Variants in NRG3 observed in about 807,000 individuals in gnomAD.
NRG3 encodes the protein neuregulin 3.
Under a neutral mutation model 66.9 loss-of-function variants are expected in NRG3, and 31 were observed. That is an observed-to-expected ratio of 0.46 (90% CI 0.35 to 0.63). NRG3 has a LOEUF of 0.63. NRG3 is among the 20% of genes least tolerant of loss of function. The pLI is 0.00. For synonymous variants in NRG3, 393 were observed against 359.4 expected, an observed-to-expected ratio of 1.09 and a Z score of -1.06; for missense variants, 910 against 878.9, an observed-to-expected ratio of 1.04 and a Z score of -0.45.
At chr10:82,152,507 A>G (rs1340407716) in intron 1 of NRG3, among the ~76,000 whole-genome samples, 1 of 151,886 alleles carries the variant, frequency 6.6e-6, no homozygotes, top group Non-Finnish European at 1.5e-5. Context: ...GTTCTGAACT[A>G]TTTCTTTTTT....
At chr10:82,849,170 C>A (rs1427451121) in intron 3 of NRG3, among the ~76,000 whole-genome samples, 2 of 152,142 alleles carry the variant, frequency 1.3e-5, no homozygotes, top group Admixed American at 1.3e-4. Flanking sequence ...CAGACATGCA[C>A]ATAGGGAGAA....
chr10:82,505,974 C>T (rs1046952035), intron 2 of NRG3, among the ~76,000 whole-genome samples: 3 of 152,184 alleles, frequency 2.0e-5, no homozygotes, highest in African/African-American at 4.8e-5. Context: ...AAGGGCCAGG[C>T]GCGTGGCTCA....
chr10:82,552,624 A>T (rs2044388537), intron 2 of NRG3, among the ~76,000 whole-genome samples: 1 of 152,180 alleles, frequency 6.6e-6, no homozygotes, highest in African/African-American at 2.4e-5. Flanking sequence ...GCTAGATGAG[A>T]TAAAACTGCA....
At chr10:82,608,801 T>A (rs1358691716) in intron 2 of NRG3, among the ~76,000 whole-genome samples, 1 of 152,128 alleles carries the variant, frequency 6.6e-6, no homozygotes, top group Non-Finnish European at 1.5e-5. Flanking sequence ...AAGCTCTGTG[T>A]ATTTCAAATG....
chr10:82,742,227 A>C (rs528077978), intron 3 of NRG3, among the ~76,000 whole-genome samples: 1 of 152,248 alleles, frequency 6.6e-6, no homozygotes, highest in Admixed American at 6.5e-5. Context: ...AGTTAGTCAG[A>C]AATGTGTATC....
At chr10:82,970,995 T>G (rs1644638424) in intron 6 of NRG3, among the ~76,000 whole-genome samples, 1 of 152,154 alleles carries the variant, frequency 6.6e-6, no homozygotes, top group Non-Finnish European at 1.5e-5. Flanking sequence ...AACATCTGCT[T>G]CTGGTGAGCA....
intron 2 of NRG3, among the ~76,000 whole-genome samples, chr10:82,516,144 G>T (rs924772640): frequency 2.0e-5 from 3 of 152,008 alleles, no homozygotes; most frequent in African/African-American, 7.2e-5. Context: ...GGAACATTGT[G>T]TGTGTGTGTG....
chr10:82,598,627 C>G (rs1474813394), intron 2 of NRG3, among the ~76,000 whole-genome samples: 1 of 152,162 alleles, frequency 6.6e-6, no homozygotes, highest in African/African-American at 2.4e-5. Context: ...GAGTGATTGT[C>G]TATATCAAAT....
intron 1 of NRG3, among the ~76,000 whole-genome samples, chr10:82,124,686 A>G (rs1268554131): frequency 6.6e-6 from 1 of 151,716 alleles, no homozygotes; most frequent in African/African-American, 2.4e-5. Context: ...TACCTAAGTA[A>G]CAAACCTGCA....
rs373729157 is a variant in NRG3 at position 82,606,674 on chromosome 10, C to A, written c.954-131903C>A. 3.9e-5 allele frequency among the ~76,000 whole-genome samples: 6 copies of A among 152,058 alleles called. No individual in the cohort carries two copies. The East Asian group carries it at 9.6e-4, about 24-fold the overall frequency. ...GACAGGGTGTGCTGGTACACTTTGA[C>A]CCACTTCCCTGCAGCTGCTGCATAA... On this transcript the variant is annotated intron_variant, in intron 2 of 8. Coordinates refer to ENST00000372141, the MANE Select transcript of NRG3 (RefSeq NM_001010848.4).
At chr10:82,239,864 A>G (rs2076931094) in intron 1 of NRG3, among the ~76,000 whole-genome samples, 1 of 152,176 alleles carries the variant, frequency 6.6e-6, no homozygotes, top group Non-Finnish European at 1.5e-5. Context: ...GATCTATTAA[A>G]CAATGAAATA....
At chr10:82,907,893 G>A (rs758680095) in intron 4 of NRG3, among the ~76,000 whole-genome samples, 8 of 152,146 alleles carry the variant, frequency 5.3e-5, no homozygotes, top group Non-Finnish European at 7.3e-5. Flanking sequence ...ATCAAAGCAT[G>A]TAGGCAATGT....
At chr10:82,750,927 A>G (rs1400257054) in intron 3 of NRG3, among the ~76,000 whole-genome samples, 1 of 152,138 alleles carries the variant, frequency 6.6e-6, no homozygotes, top group Admixed American at 6.6e-5. Flanking sequence ...ATGTAACTTG[A>G]AATATGTCAA....
chr10:82,205,505 G>A (rs2075071605), intron 1 of NRG3, among the ~76,000 whole-genome samples: 1 of 152,130 alleles, frequency 6.6e-6, no homozygotes, highest in Non-Finnish European at 1.5e-5. Context: ...TCAGTAAGAG[G>A]TATATGAATC....
In NRG3 at chr10:82,791,299, G is replaced by GTT. The variant is rs149307278; in HGVS notation, c.1027+52658_1027+52659dup. ...TATTTGATTACTGATGTTTATTGCT[G>GTT]TTTTTTTTTTGGTTTTTTTTTCATT... On this transcript the variant is annotated intron_variant, in intron 3 of 8. Transcript: ENST00000372141. 3.5e-4 allele frequency among the ~76,000 whole-genome samples: 51 copies of GTT among 144,386 alleles called. 1 individual carries two copies. Among genetic ancestry groups the GTT allele is most frequent in the South Asian group, 2.7e-3 (12 of 4,494 alleles). The allele number at this position is 144,386 out of a possible 152,430, so 94.7% of individuals were successfully genotyped here. A position where few individuals can be genotyped will look rare whatever the true frequency, so the allele number is the denominator to read the frequency against.
chr10:82,381,978 A>G (rs182281567), intron 2 of NRG3, among the ~76,000 whole-genome samples: 14 of 152,252 alleles, frequency 9.2e-5, no homozygotes, highest in African/African-American at 3.4e-4. Context: ...GCCATTTCAT[A>G]TTGCTTTAAT....
intron 1 of NRG3, among the ~76,000 whole-genome samples, chr10:82,129,217 C>T (rs1378907349): frequency 6.7e-6 from 1 of 149,986 alleles, no homozygotes; most frequent in Non-Finnish European, 1.5e-5. Context: ...CAGGGCAGTG[C>T]TCTAAATTTT....
At chr10:81,915,456 G>T (rs1378880148) in intron 1 of NRG3, among the ~76,000 whole-genome samples, 2 of 144,734 alleles carry the variant, frequency 1.4e-5, no homozygotes, top group Admixed American at 6.9e-5. Flanking sequence ...ATTTCTTTAA[G>T]TTTCTCCTGA....
intron 4 of NRG3, among the ~76,000 whole-genome samples, chr10:82,882,281 C>A (rs1031575960): frequency 6.6e-6 from 1 of 152,180 alleles, no homozygotes; most frequent in Non-Finnish European, 1.5e-5. Flanking sequence ...GTGAAAGACA[C>A]AAACGACATT....
Sources: allele counts gnomAD v4.1 joint callset (sites outside exome capture counted in the v4.1 genomes callset), GRCh38; gene constraint gnomAD v4.1.1; transcripts MANE v1.5; gene names NCBI Gene and HGNC (gene_info 2026-07-23, HGNC 2026-07-21).